The following LYRM4 variants were observed in gnomAD, a reference collection of about 807,000 sequenced individuals.
LYRM4 encodes LYR motif containing 4.
A neutral mutation model predicts 11.7 loss-of-function variants in LYRM4; 9 were observed. That is an observed-to-expected ratio of 0.77 (90% CI 0.46 to 1.34). The LOEUF (loss-of-function observed/expected upper bound fraction) is 1.34. LYRM4 is among the 40% of genes most tolerant of loss of function. The pLI is 0.00. For synonymous variants in LYRM4, 42 were observed against 40.4 expected, an observed-to-expected ratio of 1.04 and a Z score of -0.15; for missense variants, 133 against 112.5, an observed-to-expected ratio of 1.18 and a Z score of -0.82.
At chr6:5,232,911 T>C (rs1238392229) in intron 1 of LYRM4, among the ~76,000 whole-genome samples, 1 of 152,186 alleles carries the variant, frequency 6.6e-6, no homozygotes, top group Non-Finnish European at 1.5e-5. Context: ...TTAGCATCCA[T>C]GTGAATGTAG....
At chr6:5,173,779 G>C (rs1759561059) in intron 2 of LYRM4, among the ~76,000 whole-genome samples, 2 of 152,156 alleles carry the variant, frequency 1.3e-5, no homozygotes, top group Non-Finnish European at 2.9e-5. Flanking sequence ...AAATCCATTT[G>C]ATAAAAAGAT....
chr6:5,187,482 TCTCAGCAAA>T (rs1760475155), intron 2 of LYRM4, among the ~76,000 whole-genome samples: 1 of 152,120 alleles, frequency 6.6e-6, no homozygotes, highest in Non-Finnish European at 1.5e-5. Context: ...AAAAGACAGT[TCTCAGCAAA>T]CTATCACAAT....
At chr6:5,180,490 C>T (rs1760004829) in intron 2 of LYRM4, among the ~76,000 whole-genome samples, 2 of 152,224 alleles carry the variant, frequency 1.3e-5, no homozygotes, top group South Asian at 4.1e-4. Context: ...CTAATGTTAC[C>T]TAACCTTAGG....
chr6:5,054,393 T>C, the LYRM4 span: 2 of 153,738 alleles, frequency 1.3e-5, no homozygotes, highest in African/African-American at 4.8e-5. Flanking sequence ...AAATTGCAAC[T>C]GTCCTGCTCC....
At chr6:5,045,808 T>C in the LYRM4 span, among the ~76,000 whole-genome samples, 2 of 151,812 alleles carry the variant, frequency 1.3e-5, no homozygotes, top group African/African-American at 2.4e-5. Context: ...GAAAAACATA[T>C]TGTATTTAAC....
At chr6:5,167,827 T>C in intron 2 of LYRM4, among the ~76,000 whole-genome samples, 1 of 152,186 alleles carries the variant, frequency 6.6e-6, no homozygotes, top group East Asian at 1.9e-4. Flanking sequence ...GGTATACACC[T>C]TTTTTTGTTT....
At chr6:5,260,608 C>CAG in intron 1 of LYRM4, 40 bp downstream of exon 1, 1 of 1,338,050 alleles carries the variant, frequency 7.5e-7, no homozygotes, top group Non-Finnish European at 1.0e-6. Context: ...TCCCCGGCCC[C>CAG]TGGCCCCCCG....
At chr6:5,170,570 G>A (rs1359380706) in intron 2 of LYRM4, among the ~76,000 whole-genome samples, 1 of 151,992 alleles carries the variant, frequency 6.6e-6, no homozygotes, top group East Asian at 1.9e-4. Context: ...GCGCGATCTC[G>A]GCTCACTGTA....
At chr6:5,182,828 TA>T (rs1487167125) in intron 2 of LYRM4, among the ~76,000 whole-genome samples, 1 of 152,252 alleles carries the variant, frequency 6.6e-6, no homozygotes, top group African/African-American at 2.4e-5. Flanking sequence ...GGACCTTCTA[TA>T]TTTTTTTAGC....
At chr6:5,183,531 T>TA (rs1438204122) in intron 2 of LYRM4, among the ~76,000 whole-genome samples, 5 of 152,200 alleles carry the variant, frequency 3.3e-5, no homozygotes, top group Admixed American at 2.6e-4. Context: ...ATAAAGTTGG[T>TA]AAAAAAATTT....
At chr6:5,245,500 T>G (rs1764156810) in intron 1 of LYRM4, among the ~76,000 whole-genome samples, 1 of 152,028 alleles carries the variant, frequency 6.6e-6, no homozygotes, top group Non-Finnish European at 1.5e-5. Context: ...GCAAGAGTGA[T>G]GGGGACATGT....
At chr6:5,082,504 C>A in the LYRM4 span, among the ~76,000 whole-genome samples, 1 of 152,208 alleles carries the variant, frequency 6.6e-6, no homozygotes, top group East Asian at 1.9e-4. Flanking sequence ...CTGCACCTAC[C>A]CCCACTTGGG....
chr6:5,255,738 A>C (rs191212796), intron 1 of LYRM4, among the ~76,000 whole-genome samples: 12 of 152,144 alleles, frequency 7.9e-5, no homozygotes, highest in African/African-American at 2.2e-4. Flanking sequence ...GGCATGACCA[A>C]ACTTTTGGGC....
the LYRM4 span, chr6:5,054,406 T>C: frequency 6.5e-6 from 1 of 153,710 alleles, no homozygotes; most frequent in South Asian, 2.1e-4. Flanking sequence ...CCTGCTCCAG[T>C]GTGCATGGTC....
the LYRM4 span, among the ~76,000 whole-genome samples, chr6:5,079,514 C>T: frequency 3.3e-5 from 5 of 152,190 alleles, no homozygotes; most frequent in Admixed American, 6.5e-5. Flanking sequence ...TTTGGGGTCA[C>T]GTGTTCTGAT....
At chr6:5,176,020 G>A (rs979715824) in intron 2 of LYRM4, among the ~76,000 whole-genome samples, 1 of 151,734 alleles carries the variant, frequency 6.6e-6, no homozygotes, top group Non-Finnish European at 1.5e-5. Flanking sequence ...TCCCGGCCCA[G>A]ATAATCTGTG....
chr6:5,093,580 C>T, the LYRM4 span, among the ~76,000 whole-genome samples: 1 of 152,240 alleles, frequency 6.6e-6, no homozygotes, highest in Non-Finnish European at 1.5e-5. Flanking sequence ...GTCTGGTATA[C>T]CCAGCTATAA....
chr6:5,058,481 G>A, the LYRM4 span, among the ~76,000 whole-genome samples: 1 of 152,164 alleles, frequency 6.6e-6, no homozygotes, highest in Non-Finnish European at 1.5e-5. Flanking sequence ...TGACCTGGGG[G>A]AGCTTCTGCA....
chr6:5,153,434 C>T (rs1357434170), intron 2 of LYRM4, among the ~76,000 whole-genome samples: 3 of 152,248 alleles, frequency 2.0e-5, no homozygotes, highest in African/African-American at 7.2e-5. Flanking sequence ...GGTCATAACA[C>T]AGCAAGTCTC....
Sources: gnomAD v4.1 joint callset for allele counts (sites outside exome capture counted in the v4.1 genomes callset) on GRCh38, gnomAD v4.1.1 for gene constraint, MANE v1.5 for transcripts, NCBI Gene and HGNC (gene_info 2026-07-23, HGNC 2026-07-21) for gene names.